The following LMBR1 variants were observed in gnomAD, a reference collection of about 807,000 sequenced individuals.
LMBR1 encodes the protein limb region 1 protein homolog.
Under a neutral mutation model 73.9 loss-of-function variants are expected in LMBR1, and 52 were observed. The ratio of observed to expected loss-of-function variants is 0.70; its 90% CI spans 0.56 to 0.89. LMBR1 has a LOEUF of 0.89. LMBR1 is among the 40% of genes least tolerant of loss of function. The pLI, the probability that LMBR1 is intolerant of heterozygous loss-of-function variation, is 0.00. For missense variants in LMBR1, 539 were observed against 579.8 expected (o/e 0.93, Z 0.72); for synonymous variants, 215 against 209.4 (o/e 1.03, Z -0.23).
At chr7:156,828,802 TATG>T (rs1420812772) in intron 3 of LMBR1, among the ~76,000 whole-genome samples, 1 of 152,244 alleles carries the variant, frequency 6.6e-6, no homozygotes, top group Non-Finnish European at 1.5e-5. Flanking sequence ...TGATGTGGGA[TATG>T]ATGAGGTTTC....
chr7:156,782,653 T>C (rs1192653456), intron 5 of LMBR1, among the ~76,000 whole-genome samples: 1 of 152,104 alleles, frequency 6.6e-6, no homozygotes, highest in African/African-American at 2.4e-5. Flanking sequence ...CAAGCGATTC[T>C]CCCGCCTCAG....
At chr7:156,782,021 A>G (rs557630369) in intron 5 of LMBR1, among the ~76,000 whole-genome samples, 1 of 152,310 alleles carries the variant, frequency 6.6e-6, no homozygotes, top group African/African-American at 2.4e-5. Context: ...CCACTATGCT[A>G]CTTTCTGTTT....
intron 9 of LMBR1, among the ~76,000 whole-genome samples, chr7:156,748,806 T>A (rs991112681): frequency 1.3e-5 from 2 of 152,122 alleles, no homozygotes; most frequent in African/African-American, 2.4e-5. Flanking sequence ...ATCATTTTTA[T>A]AGAATAACTC....
chr7:156,728,083 T>TA (rs1816125565), intron 11 of LMBR1, 76 bp from the exon 12 acceptor site: 1 of 1,147,626 alleles, frequency 8.7e-7, no homozygotes, highest in African/African-American at 1.5e-5. Context: ...GGTAACCAAA[T>TA]ACACGTTTCA....
chr7:156,781,691 A>G (rs1417726240), intron 5 of LMBR1, among the ~76,000 whole-genome samples: 1 of 152,150 alleles, frequency 6.6e-6, no homozygotes, highest in African/African-American at 2.4e-5. Flanking sequence ...ACCCATGGAT[A>G]TACTACCCAA....
chr7:156,735,646 G>A (rs2132517688), intron 9 of LMBR1, among the ~76,000 whole-genome samples: 1 of 149,394 alleles, frequency 6.7e-6, no homozygotes, highest in South Asian at 2.2e-4. Flanking sequence ...TTTCATCCTA[G>A]ACTGTTACAT....
chr7:156,754,719 G>A (rs936407366), intron 9 of LMBR1, among the ~76,000 whole-genome samples: 1 of 151,974 alleles, frequency 6.6e-6, no homozygotes, highest in Non-Finnish European at 1.5e-5. Flanking sequence ...TCCAGGGGAT[G>A]GTTTCTCTTA....
intron 1 of LMBR1, among the ~76,000 whole-genome samples, chr7:156,871,055 C>A (rs1586362561): frequency 6.6e-6 from 1 of 151,706 alleles, no homozygotes; most frequent in South Asian, 2.1e-4. Context: ...AACTGAAAAA[C>A]CCTTAGCTAG....
At chr7:156,855,666 C>CAAAAAAAAAAAAAAAAAAAAAAAAAA (rs35231167) in intron 1 of LMBR1, among the ~76,000 whole-genome samples, 3 of 87,298 alleles carry the variant, frequency 3.4e-5, no homozygotes, top group Non-Finnish European at 4.4e-5. Context: ...AACGTAAATA[C>CAAAAAAAAAAAAAAAAAAAAAAAAAA]AAAAAAAAAA....
At chr7:156,752,959 G>A (rs1027389563) in intron 9 of LMBR1, among the ~76,000 whole-genome samples, 1 of 150,862 alleles carries the variant, frequency 6.6e-6, no homozygotes, top group African/African-American at 2.4e-5. Flanking sequence ...GTAGGGGGAT[G>A]GGGAAATGAT....
chr7:156,696,273 C>T (rs1808266082), intron 15 of LMBR1, among the ~76,000 whole-genome samples: 1 of 152,128 alleles, frequency 6.6e-6, no homozygotes, highest in Admixed American at 6.5e-5. Context: ...AATGAAAAGA[C>T]AGGTAACTAA....
At chr7:156,869,601 C>CA (rs1016028295) in intron 1 of LMBR1, among the ~76,000 whole-genome samples, 37 of 151,752 alleles carry the variant, frequency 2.4e-4, no homozygotes, top group Non-Finnish European at 2.9e-5. Context: ...GTAAGACAAC[C>CA]AAAAAAACTA....
chr7:156,738,190 A>G (rs1227449132), intron 9 of LMBR1, among the ~76,000 whole-genome samples: 2 of 152,060 alleles, frequency 1.3e-5, no homozygotes, highest in African/African-American at 4.8e-5. Flanking sequence ...GAGCACAACA[A>G]ATGGGGGACA....
chr7:156,824,395 T>C (rs944698113), intron 4 of LMBR1, among the ~76,000 whole-genome samples: 1 of 152,172 alleles, frequency 6.6e-6, no homozygotes, highest in Non-Finnish European at 1.5e-5. Context: ...CAAATAAGTA[T>C]ATTTATCTTA....
At position 156,685,911 on chromosome 7, in the gene LMBR1, T is replaced by C. The variant is rs577151749; in HGVS notation, c.1388-1748A>G. Among the ~76,000 whole-genome samples, 21 of 152,340 alleles carry C rather than the reference T, an allele frequency of 1.4e-4. No homozygotes were observed. Among genetic ancestry groups the C allele is most frequent in the African/African-American group, 5.1e-4 (21 of 41,574 alleles). ...TCATAAACTAATATAGCACTCCAAA[T>C]TTTAATCTTCCTGTCACCTGCATAT... On this transcript the variant is annotated intron_variant, in intron 16 of 16. Transcript: ENST00000353442. This position sits in a 1 kb window ranked among gnomAD's most constrained non-coding sequence, Gnocchi z 4.1.
At chr7:156,769,320 G>A (rs1316297260) in intron 5 of LMBR1, among the ~76,000 whole-genome samples, 1 of 152,114 alleles carries the variant, frequency 6.6e-6, no homozygotes, top group Non-Finnish European at 1.5e-5. Flanking sequence ...TACTGCCCTG[G>A]TGTCATACCA....
At position 156,697,519 on chromosome 7, in the gene LMBR1, C is replaced by T. The variant is rs111624057; in HGVS notation, c.1226-9328G>A. Reference sequence around the variant, plus strand: ...CCGCATAAGACAGTCATTCCCAGAGCGGCCGTTTATAGACCTCCCCCCAGG... The same window carrying T: ...CCGCATAAGACAGTCATTCCCAGAGTGGCCGTTTATAGACCTCCCCCCAGG... On this transcript the variant is annotated intron_variant, in intron 15 of 16. Transcript: ENST00000353442. Among the ~76,000 whole-genome samples, 918 of 152,194 alleles carry T rather than the reference C, an allele frequency of 6.0e-3. 20 individuals carry two copies. In the South Asian group the frequency reaches 0.079, roughly 13 times the overall value.
chr7:156,762,879 G>A (rs1049516155), intron 7 of LMBR1, among the ~76,000 whole-genome samples: 14 of 148,824 alleles, frequency 9.4e-5, no homozygotes, highest in Non-Finnish European at 1.9e-4. Flanking sequence ...GTGTCTGTCC[G>A]TCTGTCTCAC....
intron 15 of LMBR1, among the ~76,000 whole-genome samples, chr7:156,706,732 G>A (rs550268442): frequency 6.6e-6 from 1 of 152,076 alleles, no homozygotes; most frequent in African/African-American, 2.4e-5. Flanking sequence ...AGCAAAAACA[G>A]TGCTAGGAGG....
Sources: gnomAD v4.1 joint callset for allele counts (sites outside exome capture counted in the v4.1 genomes callset) on GRCh38, gnomAD v4.1.1 for gene constraint, Gnocchi (gnomAD v3.1) non-coding constraint, MANE v1.5 for transcripts, NCBI Gene and HGNC (gene_info 2026-07-23, HGNC 2026-07-21) for gene names.